The following USP24 variants were observed in gnomAD, a reference collection of about 807,000 sequenced individuals.
USP24 encodes the protein ubiquitin carboxyl-terminal hydrolase 24.
A neutral mutation model predicts 361.6 loss-of-function variants in USP24; 97 were observed. That is an observed-to-expected ratio of 0.27 (90% CI 0.23 to 0.32). The LOEUF (loss-of-function observed/expected upper bound fraction) is 0.32. Among genes scored for constraint, USP24 ranks in the 10% least tolerant of loss-of-function variants. The pLI is 1.00. For missense variants in USP24, 2,353 were observed against 3,165.6 expected (o/e 0.74, Z 6.16); for synonymous variants, 1,098 against 1,124.6 (o/e 0.98, Z 0.47).
chr1:55,164,383 G>A (rs966767938), intron 7 of USP24, among the ~76,000 whole-genome samples: 18 of 152,022 alleles, frequency 1.2e-4, no homozygotes, highest in Non-Finnish European at 2.4e-4. Flanking sequence ...TTGTATAGGT[G>A]TTTTTAACTA....
In USP24 at chr1:55,095,405, C is replaced by T. The variant is rs750369560; in HGVS notation, c.6062-9G>A. On this transcript the variant is annotated splice_polypyrimidine_tract_variant and intron_variant, in intron 50 of 67. Transcript: ENST00000294383. ...ATCAGTGTATGGGTTTGCTTTATAA[C>T]AAGACATTAAGAAACACATCTGTAA... The T allele has an allele frequency of 1.3e-6, 2 of 1,597,514 alleles. No individual in the cohort carries two copies. Among genetic ancestry groups the T allele is most frequent in the South Asian group, 1.1e-5 (1 of 87,730 alleles).
intron 31 of USP24, among the ~76,000 whole-genome samples, chr1:55,130,998 T>C (rs1290533786): frequency 6.6e-6 from 1 of 152,214 alleles, no homozygotes; most frequent in African/African-American, 2.4e-5. Flanking sequence ...TGCAGTGCTA[T>C]GGCTCTAAGA....
chr1:55,107,465 G>T (rs188559539), intron 39 of USP24, 35 bp from the exon 40 acceptor site: 120 of 1,517,842 alleles, frequency 7.9e-5, no homozygotes, highest in Admixed American at 5.4e-4. Flanking sequence ...TACAAAGAAA[G>T]AAGGATTTCC....
rs1644839648 is a variant in USP24 at position 55,067,248 on chromosome 1, T to C, written c.*1797A>G. 1 of 152,068 alleles carries C rather than the reference T, an allele frequency of 6.6e-6. No individual in the cohort carries two copies. Among genetic ancestry groups the C allele is most frequent in the Non-Finnish European group, 1.5e-5 (1 of 68,024 alleles). The allele number at this position is 152,068 out of a possible 1,614,324, so 9.4% of individuals were successfully genotyped here. A position where few individuals can be genotyped will look rare whatever the true frequency, so the allele number is the denominator to read the frequency against. Reference sequence around the variant, plus strand: ...TCAAGGTCATGTCCCACACAATCTCTTGGTGAGGATGTGGGCGGAGAGAAG... The same window carrying C: ...TCAAGGTCATGTCCCACACAATCTCCTGGTGAGGATGTGGGCGGAGAGAAG... On this transcript the variant is annotated 3_prime_UTR_variant, in exon 68 of 68. Coordinates refer to ENST00000294383, the MANE Select transcript of USP24 (RefSeq NM_015306.3).
At chr1:55,144,233 T>C (rs1646968780) in intron 20 of USP24, 30 bp from the exon 21 acceptor site, 2 of 1,439,000 alleles carry the variant, frequency 1.4e-6, no homozygotes, top group Non-Finnish European at 9.6e-7. Flanking sequence ...AATAAATTCA[T>C]GTACTCTACG....
intron 48 of USP24, 64 bp downstream of exon 48, chr1:55,097,533 GA>G: frequency 2.9e-5 from 43 of 1,488,366 alleles, no homozygotes; most frequent in Middle Eastern, 2.0e-4. Context: ...ATTGAAAAAG[GA>G]AAAAAAAAGA....
intron 1 of USP24, among the ~76,000 whole-genome samples, chr1:55,201,940 G>A (rs998791243): frequency 6.6e-6 from 1 of 152,130 alleles, no homozygotes; most frequent in Non-Finnish European, 1.5e-5. Context: ...TGTAGTGAAA[G>A]GATCAAGTGC....
chr1:55,069,314 C>T (rs1460902302), intron 67 of USP24, among the ~76,000 whole-genome samples: 1 of 152,230 alleles, frequency 6.6e-6, no homozygotes, highest in Non-Finnish European at 1.5e-5. Flanking sequence ...CTCATTTAGT[C>T]AGTGAAACAA....
chr1:55,112,590 G>A (rs1645986290), intron 38 of USP24, among the ~76,000 whole-genome samples: 3 of 152,178 alleles, frequency 2.0e-5, no homozygotes, highest in Admixed American at 1.3e-4. Flanking sequence ...GATTTTGAGT[G>A]AATTTCTTAA....
chr1:55,078,439 G>T, intron 61 of USP24, 99 bp downstream of exon 61: 1 of 778,082 alleles, frequency 1.3e-6, no homozygotes. Flanking sequence ...AAACAACTTA[G>T]GCTATGAGAA....
At chr1:55,076,126 T>A (rs1458351883) in intron 62 of USP24, among the ~76,000 whole-genome samples, 1 of 152,238 alleles carries the variant, frequency 6.6e-6, no homozygotes, top group Non-Finnish European at 1.5e-5. Flanking sequence ...GATCTATAGT[T>A]CTCTGTGGGT....
intron 34 of USP24, 65 bp downstream of exon 34, chr1:55,125,255 C>T (rs1646394169): frequency 6.7e-7 from 1 of 1,498,282 alleles, no homozygotes; most frequent in South Asian, 1.2e-5. Flanking sequence ...CCCATAGCAC[C>T]TCTTCCTAAA....
chr1:55,083,761 A>G lies in USP24; in HGVS notation c.6882+11T>C. The G allele has an allele frequency of 6.5e-7, 1 of 1,548,620 alleles. No individual in the cohort carries two copies. Among genetic ancestry groups the G allele is most frequent in the South Asian group, 1.2e-5 (1 of 80,682 alleles). On this transcript the variant is annotated intron_variant, in intron 57 of 67. Transcript: ENST00000294383. Reference sequence around the variant, plus strand: ...GTATTAGGAAAAGATATTAGGAAAAAAATTATTTACCTTTTGTACAAAAGT... The same window carrying G: ...GTATTAGGAAAAGATATTAGGAAAAGAATTATTTACCTTTTGTACAAAAGT...
intron 38 of USP24, among the ~76,000 whole-genome samples, chr1:55,117,600 C>T (rs966822260): frequency 9.2e-5 from 14 of 151,820 alleles, no homozygotes; most frequent in Admixed American, 3.9e-4. Context: ...CGGTGGCGGG[C>T]GCCTGTAGTC....
intron 58 of USP24, 90 bp from the exon 59 acceptor site, chr1:55,081,514 C>G (rs1026754592): frequency 8.8e-6 from 11 of 1,252,882 alleles, no homozygotes; most frequent in Non-Finnish European, 1.3e-5. Context: ...TCATAATATT[C>G]TGGGCTTTAA....
chr1:55,110,841 G>A (rs1266050736), intron 38 of USP24, among the ~76,000 whole-genome samples: 1 of 152,094 alleles, frequency 6.6e-6, no homozygotes, highest in Non-Finnish European at 1.5e-5. Flanking sequence ...GATGTCCCAT[G>A]GACAACTACT....
chr1:55,164,650 G>GTCT (rs1648638115), intron 7 of USP24, among the ~76,000 whole-genome samples: 4 of 151,944 alleles, frequency 2.6e-5, no homozygotes, highest in Non-Finnish European at 4.4e-5. Flanking sequence ...CAACACAATT[G>GTCT]TTCTGAAAAA....
At chr1:55,098,371 G>A in intron 46 of USP24, 105 bp downstream of exon 46, 1 of 1,023,656 alleles carries the variant, frequency 9.8e-7, no homozygotes, top group Non-Finnish European at 1.4e-6. Flanking sequence ...CTGTTGACAG[G>A]GAGAGAGTTC....
chr1:55,091,159 C>T (rs570538835), intron 54 of USP24, among the ~76,000 whole-genome samples: 18 of 151,808 alleles, frequency 1.2e-4, no homozygotes, highest in South Asian at 8.4e-4. Flanking sequence ...AGGCAGAGGT[C>T]CCCAAGCCCT....
Sources: gnomAD v4.1 joint callset for allele counts (sites outside exome capture counted in the v4.1 genomes callset) on GRCh38, gnomAD v4.1.1 for gene constraint, MANE v1.5 for transcripts, NCBI Gene and HGNC (gene_info 2026-07-23, HGNC 2026-07-21) for gene names.